Variants in PHACTR1 observed in about 807,000 individuals in gnomAD.
The protein encoded by PHACTR1 is phosphatase and actin regulator 1.
PHACTR1 carries 16 observed loss-of-function variants against 69.2 expected under a neutral mutation model. That is an observed-to-expected ratio of 0.23 (90% CI 0.16 to 0.35). The LOEUF (loss-of-function observed/expected upper bound fraction) is 0.35, where lower values mean the gene tolerates loss of function less well. PHACTR1 is among the 10% of genes least tolerant of loss of function. PHACTR1 has a pLI of 1.00. For missense variants in PHACTR1, 510 were observed against 734.7 expected, an observed-to-expected ratio of 0.69 and a Z score of 3.54; for synonymous variants, 312 against 284.5, an observed-to-expected ratio of 1.10 and a Z score of -0.97.
chr6:13,194,800 TA>T lies in PHACTR1; in HGVS notation c.665-11012del, dbSNP rs200344873. Among the ~76,000 whole-genome samples, 6 of 152,304 alleles carry T rather than the reference TA, an allele frequency of 3.9e-5. No individual in the cohort carries two copies. The East Asian group carries it at 1.2e-3, about 29-fold the overall frequency. On this transcript the variant is annotated intron_variant, in intron 7 of 14. Transcript: ENST00000332995. ...TTATTTGTCTAGTAAAATTTTTTTT[TA>T]AATTTAATGTTTCTTTGTAGAAAGC...
chr6:13,283,041 A>G lies in PHACTR1; in HGVS notation c.1510-381A>G, dbSNP rs1780639683. Among the ~76,000 whole-genome samples the G allele has an allele frequency of 6.6e-6, 1 of 152,216 alleles. No individual in the cohort carries two copies. Among genetic ancestry groups the G allele is most frequent in the South Asian group, 2.1e-4 (1 of 4,832 alleles). On this transcript the variant is annotated intron_variant, in intron 12 of 14. Coordinates refer to ENST00000332995, the MANE Select transcript of PHACTR1 (RefSeq NM_030948.6). This position sits in a 1 kb window ranked among gnomAD's most constrained non-coding sequence, Gnocchi z 4.7. Reference sequence around the variant, plus strand: ...TGTGATTTGTTTCAAAGCAATCTACATGTGGATGTAGTCAAGAGTTGATTA... The same window carrying G: ...TGTGATTTGTTTCAAAGCAATCTACGTGTGGATGTAGTCAAGAGTTGATTA...
chr6:13,035,222 A>G (rs1008811102), intron 4 of PHACTR1, among the ~76,000 whole-genome samples: 2 of 152,242 alleles, frequency 1.3e-5, no homozygotes, highest in Non-Finnish European at 2.9e-5. Flanking sequence ...TGTTGTTATT[A>G]ATCTATAAAT....
intron 4 of PHACTR1, among the ~76,000 whole-genome samples, chr6:12,994,050 G>A (rs1797120773): frequency 6.6e-6 from 1 of 151,858 alleles, no homozygotes; most frequent in South Asian, 2.1e-4. Flanking sequence ...GAATAAATAG[G>A]AGCCACAGTG....
intron 4 of PHACTR1, among the ~76,000 whole-genome samples, chr6:12,903,668 C>T (rs1537341): frequency 0.86 from 130,658 of 152,234 alleles, 58,382 homozygotes; most frequent in East Asian, 0.97. Context: ...TAAAATGGGA[C>T]TTTAATTACT....
chr6:12,909,996 C>A (rs975154964), intron 4 of PHACTR1, among the ~76,000 whole-genome samples: 8 of 152,340 alleles, frequency 5.3e-5, no homozygotes, highest in South Asian at 2.1e-4. Flanking sequence ...AACTCCGCAG[C>A]CTTCGCCTGG....
intron 5 of PHACTR1, among the ~76,000 whole-genome samples, chr6:13,123,168 GC>G (rs1313186014): frequency 6.6e-6 from 1 of 152,184 alleles, no homozygotes; most frequent in African/African-American, 2.4e-5. Context: ...TTCACCTAAA[GC>G]CAGCTCAGCC....
At chr6:13,054,010 A>T (rs9473310) in intron 5 of PHACTR1, among the ~76,000 whole-genome samples, 1 of 152,200 alleles carries the variant, frequency 6.6e-6, no homozygotes, top group African/African-American at 2.4e-5. Context: ...CAAATGAATC[A>T]TTGTAGTGGC....
intron 4 of PHACTR1, chr6:12,957,488 A>T (rs375650599): frequency 2.0e-6 from 2 of 985,258 alleles, no homozygotes; most frequent in South Asian, 4.7e-5. Flanking sequence ...TGTCAAGTAA[A>T]ACGCAGGACT....
intron 4 of PHACTR1, among the ~76,000 whole-genome samples, chr6:12,937,423 A>G (rs1383467564): frequency 6.6e-6 from 1 of 151,864 alleles, no homozygotes; most frequent in Non-Finnish European, 1.5e-5. Flanking sequence ...ATCTCAGCTC[A>G]CTGCAACCTC....
intron 4 of PHACTR1, among the ~76,000 whole-genome samples, chr6:12,756,579 T>C (rs1438444987): frequency 6.6e-6 from 1 of 152,234 alleles, no homozygotes; most frequent in East Asian, 1.9e-4. Flanking sequence ...CACTAGTAGT[T>C]GTTTAACATT....
intron 4 of PHACTR1, among the ~76,000 whole-genome samples, chr6:12,779,676 C>A (rs997750551): frequency 4.6e-5 from 7 of 152,270 alleles, no homozygotes; most frequent in African/African-American, 1.7e-4. Flanking sequence ...TTTCCTGACC[C>A]CTTCTTGATC....
intron 4 of PHACTR1, among the ~76,000 whole-genome samples, chr6:12,813,892 G>A (rs951488180): frequency 1.3e-5 from 2 of 152,154 alleles, no homozygotes; most frequent in Non-Finnish European, 2.9e-5. Flanking sequence ...AGGATCTCAG[G>A]CCCTCACCCC....
At chr6:12,720,517 T>C (rs1761978561) in intron 3 of PHACTR1, among the ~76,000 whole-genome samples, 1 of 152,148 alleles carries the variant, frequency 6.6e-6, no homozygotes, top group African/African-American at 2.4e-5. Context: ...GTCAGAATTG[T>C]CACCATCAGT....
intron 5 of PHACTR1, among the ~76,000 whole-genome samples, chr6:13,071,812 C>T (rs1488069723): frequency 6.6e-6 from 1 of 152,182 alleles, no homozygotes; most frequent in Non-Finnish European, 1.5e-5. Context: ...CCTGCTACCA[C>T]TGCATGTCGT....
At chr6:12,759,442 C>CAAA (rs5874377) in intron 4 of PHACTR1, among the ~76,000 whole-genome samples, 8 of 132,574 alleles carry the variant, frequency 6.0e-5, no homozygotes, top group Admixed American at 2.3e-4. Context: ...AAGGCATTTG[C>CAAA]AAAAAAAAAA....
chr6:13,102,215 G>T (rs1428908805), intron 5 of PHACTR1, among the ~76,000 whole-genome samples: 1 of 152,178 alleles, frequency 6.6e-6, no homozygotes, highest in Non-Finnish European at 1.5e-5. Context: ...CCCCATGGAA[G>T]GAACTATTGA....
chr6:12,772,159 T>G (rs1456208163), intron 4 of PHACTR1, among the ~76,000 whole-genome samples: 1 of 152,176 alleles, frequency 6.6e-6, no homozygotes, highest in Non-Finnish European at 1.5e-5. Context: ...AGGTTTGATA[T>G]TGTTTTTCTG....
chr6:12,722,105 C>G (rs993669429), intron 3 of PHACTR1, among the ~76,000 whole-genome samples: 1 of 152,204 alleles, frequency 6.6e-6, no homozygotes, highest in Non-Finnish European at 1.5e-5. Context: ...TTGATTACTT[C>G]TTCTAAAAAG....
intron 7 of PHACTR1, among the ~76,000 whole-genome samples, chr6:13,190,435 A>G (rs77725683): frequency 6.6e-6 from 1 of 151,998 alleles, no homozygotes; most frequent in East Asian, 1.9e-4. Flanking sequence ...ATACAGTCAC[A>G]TTGGGGGTGA....
Sources: gnomAD v4.1 joint callset for allele counts (sites outside exome capture counted in the v4.1 genomes callset) on GRCh38, gnomAD v4.1.1 for gene constraint, Gnocchi (gnomAD v3.1) non-coding constraint, MANE v1.5 for transcripts, NCBI Gene and HGNC (gene_info 2026-07-23, HGNC 2026-07-21) for gene names.